Variants in FYB2 observed in about 807,000 individuals in gnomAD.
The protein encoded by FYB2 is FYN binding protein 2.
A neutral mutation model predicts 94.1 loss-of-function variants in FYB2; 103 were observed. That is an observed-to-expected ratio of 1.09 (90% confidence interval 0.93 to 1.29). FYB2 has a LOEUF of 1.29. Among genes scored for constraint, FYB2 ranks in the 50% most tolerant of loss-of-function variants. The pLI, the probability that FYB2 is intolerant of heterozygous loss-of-function variation, is 0.00. For synonymous variants in FYB2, 293 were observed against 287.9 expected (o/e 1.02, Z -0.18); for missense variants, 896 against 841.5 (o/e 1.06, Z -0.80).
rs201734660 is a variant in FYB2 at position 56,792,821 on chromosome 1, C to A, written c.10-18G>T. The A allele has an allele frequency of 2.1e-3, 3,315 of 1,564,462 alleles. 11 individuals carry two copies. Among genetic ancestry groups the A allele is most frequent in the Middle Eastern group, 3.9e-3 (23 of 5,832 alleles). ...ACCCCTTCCTAAGGCAAAGAATAATCAAACAAACAAACAAAAACAAAAACA... is the reference window on the plus strand; with the variant it reads ...ACCCCTTCCTAAGGCAAAGAATAATAAAACAAACAAACAAAAACAAAAACA... On this transcript the variant is annotated intron_variant, in intron 1 of 19. Coordinates refer to ENST00000343433, the MANE Select transcript of FYB2 (RefSeq NM_001004303.5).
At chr1:56,765,620 T>G (rs1421242821) in intron 5 of FYB2, among the ~76,000 whole-genome samples, 1 of 152,220 alleles carries the variant, frequency 6.6e-6, no homozygotes, top group South Asian at 2.1e-4. Context: ...TTCCTGGTCG[T>G]TTGGCTAGAA....
At chr1:56,764,554 T>A (rs1645577370) in intron 5 of FYB2, among the ~76,000 whole-genome samples, 1 of 152,058 alleles carries the variant, frequency 6.6e-6, no homozygotes, top group South Asian at 2.1e-4. Flanking sequence ...ATTGTCATTT[T>A]TTTTTTTTAC....
chr1:56,813,808 G>A (rs1241975642), intron 1 of FYB2, among the ~76,000 whole-genome samples: 1 of 152,190 alleles, frequency 6.6e-6, no homozygotes, highest in African/African-American at 2.4e-5. Context: ...TTAAGATATA[G>A]GTACTATTTT....
Position 56,738,589 on chromosome 1 carries a change from A to C in FYB2, c.1732+36T>G, listed in dbSNP as rs761312950. On this transcript the variant is annotated intron_variant, in intron 14 of 19. Coordinates refer to ENST00000343433, the MANE Select transcript of FYB2 (RefSeq NM_001004303.5). ...CCTGCCTCTGAATATACAAAAGCTG[A>C]GTACTTTTGGTCTGCAATAAGCAAA... The C allele has an allele frequency of 5.7e-6, 9 of 1,578,828 alleles. No homozygotes were observed. The East Asian group carries it at 2.1e-4, about 36-fold the overall frequency.
Position 56,815,699 on chromosome 1 carries a change from CCA to C in FYB2, c.9+3581_9+3582del, listed in dbSNP as rs549726031. Reference sequence around the variant, plus strand: ...GACTGGTTGGTATTTGAGAACTCTCCCACCTCCTATATTTTATAATTCCATGA... The same window carrying C: ...GACTGGTTGGTATTTGAGAACTCTCCCCTCCTATATTTTATAATTCCATGA... On this transcript the variant is annotated intron_variant, in intron 1 of 19. Coordinates refer to ENST00000343433, the MANE Select transcript of FYB2 (RefSeq NM_001004303.5). Among the ~76,000 whole-genome samples the C allele has an allele frequency of 5.2e-3, 798 of 152,256 alleles. 9 individuals are homozygous for C. The highest frequency in any genetic ancestry group is 0.018 in the African/African-American group (759 of 41,544).
chr1:56,763,714 G>T (rs947913981), intron 5 of FYB2, among the ~76,000 whole-genome samples: 1 of 151,762 alleles, frequency 6.6e-6, no homozygotes, highest in Non-Finnish European at 1.5e-5. Flanking sequence ...CTTGCTAGAA[G>T]TTTGTCAATT....
intron 4 of FYB2, among the ~76,000 whole-genome samples, chr1:56,786,891 A>G (rs1002549936): frequency 6.6e-6 from 1 of 152,222 alleles, no homozygotes; most frequent in African/African-American, 2.4e-5. Flanking sequence ...AATTCAATTT[A>G]TGACTATGAA....
chr1:56,750,634 T>A (rs1435380240), intron 9 of FYB2, among the ~76,000 whole-genome samples: 2 of 151,914 alleles, frequency 1.3e-5, no homozygotes, highest in Non-Finnish European at 2.9e-5. Flanking sequence ...CCAGTACATG[T>A]CAATGATGAT....
intron 1 of FYB2, among the ~76,000 whole-genome samples, chr1:56,797,033 A>T (rs1291217382): frequency 6.6e-6 from 1 of 152,202 alleles, no homozygotes; most frequent in Non-Finnish European, 1.5e-5. Context: ...TATATGGCAC[A>T]AAGTCTGTGG....
At chr1:56,758,638 C>G (rs1254023388) in intron 6 of FYB2, 78 bp downstream of exon 6, 2 of 1,170,114 alleles carry the variant, frequency 1.7e-6, no homozygotes, top group East Asian at 5.3e-5. Flanking sequence ...TTTTTTCCCT[C>G]TAAAAGATAC....
chr1:56,767,229 C>T (rs1645645029), intron 5 of FYB2, among the ~76,000 whole-genome samples: 1 of 152,140 alleles, frequency 6.6e-6, no homozygotes, highest in Non-Finnish European at 1.5e-5. Context: ...GACATTGTAC[C>T]TTGTAGAAAT....
chr1:56,747,464 T>C (rs986711489), intron 9 of FYB2, among the ~76,000 whole-genome samples: 1 of 151,926 alleles, frequency 6.6e-6, no homozygotes, highest in Non-Finnish European at 1.5e-5. Context: ...TGTACATGCG[T>C]TCCTCATTGT....
rs1344125239 is a variant in FYB2 at position 56,789,068 on chromosome 1, AG to A, written c.823del (p.Leu275TrpfsTer14). The A allele has an allele frequency of 1.2e-6, 2 of 1,613,542 alleles. No homozygotes were observed. Among genetic ancestry groups the A allele is most frequent in the East Asian group, 4.5e-5 (2 of 44,876 alleles). On this transcript the variant is annotated frameshift_variant, in exon 3 of 20. Coordinates refer to ENST00000343433, the MANE Select transcript of FYB2 (RefSeq NM_001004303.5). LOFTEE classifies it high-confidence loss of function. ...KTKPLPSIDS[L>X]GPPPPKPSRP... ...TGAAGGCTTTGGGGGAGGAGGACCC[AG>A]GGAGTCGATGGAGGGCAATGGCTTT...
At chr1:56,761,154 A>G (rs554473044) in intron 5 of FYB2, among the ~76,000 whole-genome samples, 1 of 152,202 alleles carries the variant, frequency 6.6e-6, no homozygotes, top group Non-Finnish European at 1.5e-5. Context: ...TCCTGTCTGT[A>G]TGATCTTGGA....
intron 1 of FYB2, among the ~76,000 whole-genome samples, chr1:56,803,109 C>T (rs1314700896): frequency 6.6e-6 from 1 of 152,140 alleles, no homozygotes; most frequent in Non-Finnish European, 1.5e-5. Flanking sequence ...ACCAAGTATA[C>T]TTTGGAATTC....
chr1:56,802,064 T>C (rs1195513426), intron 1 of FYB2, among the ~76,000 whole-genome samples: 1 of 152,092 alleles, frequency 6.6e-6, no homozygotes, highest in Non-Finnish European at 1.5e-5. Flanking sequence ...ATGGGGAGCC[T>C]CTAAAAGTTG....
chr1:56,733,717 G>A (rs1221325000), intron 15 of FYB2, among the ~76,000 whole-genome samples: 1 of 152,126 alleles, frequency 6.6e-6, no homozygotes, highest in Non-Finnish European at 1.5e-5. Flanking sequence ...ATGCAGTTGT[G>A]CAGTTTTGAA....
At chr1:56,814,429 T>C (rs1008391569) in intron 1 of FYB2, among the ~76,000 whole-genome samples, 4 of 152,176 alleles carry the variant, frequency 2.6e-5, no homozygotes, top group Non-Finnish European at 5.9e-5. Context: ...AATGGGAAAG[T>C]AATGCCAGGC....
intron 1 of FYB2, among the ~76,000 whole-genome samples, chr1:56,809,856 T>A (rs1455407931): frequency 6.6e-6 from 1 of 152,212 alleles, no homozygotes; most frequent in Admixed American, 6.5e-5. Flanking sequence ...CAAAGCTATT[T>A]CACTTCTCTC....
Sources: allele counts gnomAD v4.1 joint callset (sites outside exome capture counted in the v4.1 genomes callset), GRCh38; gene constraint gnomAD v4.1.1; transcripts MANE v1.5; gene names NCBI Gene and HGNC (gene_info 2026-07-23, HGNC 2026-07-21).